The following CCDC198 variants were observed in gnomAD, a reference collection of about 807,000 sequenced individuals.
CCDC198 encodes the protein factor associated with metabolism and energy.
In CCDC198, 18 loss-of-function variants were observed where a neutral mutation model predicts 35.6. The ratio of observed to expected loss-of-function variants is 0.51; its 90% CI spans 0.35 to 0.75. The LOEUF is 0.75. CCDC198 is among the 30% of genes least tolerant of loss of function. The pLI is 0.01. For synonymous variants in CCDC198, 119 were observed against 113.4 expected, an observed-to-expected ratio of 1.05 and a Z score of -0.31; for missense variants, 365 against 343.7, an observed-to-expected ratio of 1.06 and a Z score of -0.49.
At chr14:57,476,900 A>G (rs1314736662) in intron 5 of CCDC198, among the ~76,000 whole-genome samples, 2 of 152,244 alleles carry the variant, frequency 1.3e-5, no homozygotes, top group Admixed American at 6.5e-5. Context: ...GAAATCAAAG[A>G]TGCTCTCTGG....
rs867570576 is a variant in CCDC198, at chr14:57,478,813, C to T, written c.655+1782G>A. ...ATTCAGCCTTTTCTTATTTAATTAA[C>T]TTATTGATCGAGCGTCTTGTTTCTC... On this transcript the variant is annotated intron_variant, in intron 5 of 5. Coordinates refer to ENST00000216445, the MANE Select transcript of CCDC198 (RefSeq NM_018168.4). 4.3e-5 allele frequency: 48 copies of T among 1,118,732 alleles called. No individual in the cohort carries two copies. The Middle Eastern group carries it at 2.9e-3, about 68-fold the overall frequency. The allele number at this position is 1,118,732 out of a possible 1,614,324, so 69.3% of individuals were successfully genotyped here. A position where few individuals can be genotyped will look rare whatever the true frequency, so the allele number is the denominator to read the frequency against.
Position 57,493,541 on chromosome 14 carries a change from C to T in CCDC198, c.175G>A (p.Gly59Arg). The change falls in exon 1 of 6, where the codon GGG becomes AGG. Residue 59 changes from glycine to arginine, a missense_variant. Coordinates refer to ENST00000216445, the MANE Select transcript of CCDC198 (RefSeq NM_018168.4). The stretch of plus-strand genomic sequence containing the variant: ...TTTTCTTGTAAAGGTGGCAGCTGCC[C>T]TTCCAAGGCTTTATTCTGGTCCTGC... ...RLQDQNKALE[G>R]QLPPLQENWY... 2 of 1,613,962 alleles carry T rather than the reference C, an allele frequency of 1.2e-6. No individual in the cohort carries two copies. The highest frequency in any genetic ancestry group is 1.1e-5 in the South Asian group (1 of 91,084).
chr14:57,491,550 C>T (rs536563795), intron 1 of CCDC198, among the ~76,000 whole-genome samples: 3 of 152,146 alleles, frequency 2.0e-5, no homozygotes, highest in South Asian at 2.1e-4. Flanking sequence ...AAATGGAGTA[C>T]GTGTGAACAC....
At position 57,493,534 on chromosome 14, in the gene CCDC198, A is replaced by T; in HGVS notation, c.182T>A (p.Leu61Gln). 6.2e-7 allele frequency: 1 copy of T among 1,613,980 alleles called. No homozygotes were observed. Residue 61 changes from leucine (L) to glutamine (Q), a missense_variant, in exon 1 of 6, where the codon CTG (leucine) becomes CAG (glutamine). Leu to Gln is a moderately radical substitution (Grantham distance 113). Coordinates refer to ENST00000216445, the MANE Select transcript of CCDC198 (RefSeq NM_018168.4). ...QDQNKALEGQ[L>Q]PPLQENWYGR... ...ATACCAGTTTTCTTGTAAAGGTGGCAGCTGCCCTTCCAAGGCTTTATTCTG... is the reference window on the plus strand; with the variant it reads ...ATACCAGTTTTCTTGTAAAGGTGGCTGCTGCCCTTCCAAGGCTTTATTCTG...
chr14:57,482,642 G>T (rs2067226709), intron 3 of CCDC198, among the ~76,000 whole-genome samples: 1 of 152,156 alleles, frequency 6.6e-6, no homozygotes, highest in African/African-American at 2.4e-5. Flanking sequence ...GTGAGGTTGT[G>T]TCAAATAAGT....
chr14:57,472,792 G>A (rs981700156), intron 5 of CCDC198, among the ~76,000 whole-genome samples: 1 of 152,134 alleles, frequency 6.6e-6, no homozygotes, highest in African/African-American at 2.4e-5. Flanking sequence ...ACTCCAGAAA[G>A]CAACAGGAGC....
chr14:57,479,251 T>G (rs1165501325), intron 5 of CCDC198, among the ~76,000 whole-genome samples: 1 of 152,070 alleles, frequency 6.6e-6, no homozygotes, highest in Non-Finnish European at 1.5e-5. Flanking sequence ...GATCCCATGT[T>G]GAGTTTATTT....
chr14:57,475,546 C>T (rs1453630298), intron 5 of CCDC198: 1 of 631,510 alleles, frequency 1.6e-6, no homozygotes, highest in African/African-American at 2.0e-5. Flanking sequence ...GTCTCTACTA[C>T]AAATACAAAA....
At position 57,471,039 on chromosome 14, in the gene CCDC198, T is replaced by A. The variant is rs917176979; in HGVS notation, c.*316A>T. 3.0e-5 allele frequency: 8 copies of A among 263,788 alleles called. No homozygotes were observed. Among genetic ancestry groups the A allele is most frequent in the Non-Finnish European group, 5.8e-5 (8 of 137,304 alleles). The allele number at this position is 263,788 out of a possible 1,614,324, so 16.3% of individuals were successfully genotyped here. A position where few individuals can be genotyped will look rare whatever the true frequency, so the allele number is the denominator to read the frequency against. On this transcript the variant is annotated 3_prime_UTR_variant, in exon 6 of 6. Transcript: ENST00000216445. ...ATGACTCCAGTCTTAGTAGTCCAAA[T>A]GTAGTCCAATTTCAATGACATGAAA...
At chr14:57,490,530 A>G (rs2067527188) in intron 2 of CCDC198, among the ~76,000 whole-genome samples, 1 of 152,162 alleles carries the variant, frequency 6.6e-6, no homozygotes, top group Non-Finnish European at 1.5e-5. Flanking sequence ...CTTTGGGGGT[A>G]GTTACTGAAC....
chr14:57,488,906 T>A lies in CCDC198; in HGVS notation c.306+2083A>T, dbSNP rs544930003. Reference sequence around the variant, plus strand: ...TGGAGAGGTTGCGGAGAAAAAGGAATGCTTTTACACTGTTAGTGGGAGTGT... The same window carrying A: ...TGGAGAGGTTGCGGAGAAAAAGGAAAGCTTTTACACTGTTAGTGGGAGTGT... On this transcript the variant is annotated intron_variant, in intron 2 of 5. Coordinates refer to ENST00000216445, the MANE Select transcript of CCDC198 (RefSeq NM_018168.4). Among the ~76,000 whole-genome samples the A allele has an allele frequency of 3.3e-5, 5 of 152,204 alleles. No homozygotes were observed. In the South Asian group the frequency reaches 8.3e-4, roughly 25 times the overall value.
chr14:57,485,411 G>C (rs1405191336), intron 2 of CCDC198, among the ~76,000 whole-genome samples: 1 of 152,200 alleles, frequency 6.6e-6, no homozygotes, highest in African/African-American at 2.4e-5. Flanking sequence ...CTGCTGCAAA[G>C]AGTGTGAGCC....
In CCDC198 at chr14:57,476,908, T is replaced by A. The variant is rs183310604; in HGVS notation, c.655+3687A>T. Among the ~76,000 whole-genome samples the A allele has an allele frequency of 3.5e-3, 539 of 152,344 alleles. 5 individuals carry two copies. Among genetic ancestry groups the A allele is most frequent in the African/African-American group, 0.012 (514 of 41,582 alleles). ...GTGGAAAGAAATCAAAGATGCTCTCTGGGAATAAGCAAAAAGGAATCATCG... is the reference window on the plus strand; with the variant it reads ...GTGGAAAGAAATCAAAGATGCTCTCAGGGAATAAGCAAAAAGGAATCATCG... On this transcript the variant is annotated intron_variant, in intron 5 of 5. Transcript: ENST00000216445.
chr14:57,484,691 C>G (rs1566586230), intron 2 of CCDC198, among the ~76,000 whole-genome samples: 2 of 152,144 alleles, frequency 1.3e-5, no homozygotes, highest in African/African-American at 2.4e-5. Context: ...GTAAGTGAAA[C>G]AGCAGCTTGG....
intron 5 of CCDC198, 82 bp from the exon 6 acceptor site, chr14:57,471,672 C>A: frequency 1.5e-6 from 1 of 671,536 alleles, no homozygotes; most frequent in South Asian, 2.1e-5. Flanking sequence ...AATAAATAAT[C>A]TGCTTGGTGG....
At chr14:57,473,953 CA>C (rs2066895660) in intron 5 of CCDC198, among the ~76,000 whole-genome samples, 1 of 152,164 alleles carries the variant, frequency 6.6e-6, no homozygotes, top group East Asian at 1.9e-4. Flanking sequence ...TTACCATTTT[CA>C]AAATTCCAGC....
intron 5 of CCDC198, chr14:57,475,784 G>C: frequency 9.8e-6 from 2 of 204,090 alleles, no homozygotes; most frequent in Non-Finnish European, 1.8e-5. Context: ...ACGGCACTTA[G>C]CTTCTTTTTT....
At chr14:57,478,375 T>A (rs1313906359) in intron 5 of CCDC198, 1 of 802,206 alleles carries the variant, frequency 1.2e-6, no homozygotes, top group Non-Finnish European at 1.5e-6. Flanking sequence ...TAGTAGCTCC[T>A]ACCTTCTAGG....
At chr14:57,474,048 G>T (rs768424825) in intron 5 of CCDC198, among the ~76,000 whole-genome samples, 6 of 152,052 alleles carry the variant, frequency 3.9e-5, no homozygotes, top group Admixed American at 6.6e-5. Flanking sequence ...CTTCCTCATG[G>T]AAACTTTCCC....
Sources: allele counts gnomAD v4.1 joint callset (sites outside exome capture counted in the v4.1 genomes callset), GRCh38; gene constraint gnomAD v4.1.1; transcripts MANE v1.5; gene names NCBI Gene and HGNC (gene_info 2026-07-23, HGNC 2026-07-21).